Variants in APP observed in about 807,000 individuals in gnomAD.
APP encodes amyloid beta precursor protein, also known as amyloid-beta precursor protein.
Under a neutral mutation model 101.4 loss-of-function variants are expected in APP, and 31 were observed. That is an observed-to-expected ratio of 0.31 (90% CI 0.23 to 0.41). The LOEUF (loss-of-function observed/expected upper bound fraction) is 0.41, where lower values mean the gene tolerates loss of function less well. APP is among the 10% of genes least tolerant of loss of function. APP has a pLI of 1.00. For missense variants in APP, 839 were observed against 1,003.7 expected (o/e 0.84, Z 2.22); for synonymous variants, 366 against 364.4 (o/e 1.00, Z -0.05).
intron 3 of APP, among the ~76,000 whole-genome samples, chr21:26,075,916 G>A (rs972077525): frequency 1.3e-5 from 2 of 151,802 alleles, no homozygotes; most frequent in Admixed American, 6.6e-5. Flanking sequence ...TTTTTGAGAC[G>A]GAGTTTCGCT....
At chr21:26,123,326 T>C (rs1177816746) in intron 1 of APP, among the ~76,000 whole-genome samples, 1 of 152,222 alleles carries the variant, frequency 6.6e-6, no homozygotes, top group Non-Finnish European at 1.5e-5. Flanking sequence ...ATAATAGAAA[T>C]TCAGTGAGAA....
At position 26,011,367 on chromosome 21, in the gene APP, C is replaced by A. The variant is rs550018900; in HGVS notation, c.865+10473G>T. Among the ~76,000 whole-genome samples the A allele has an allele frequency of 8.5e-5, 13 of 152,204 alleles. No homozygotes were observed. In the East Asian group the frequency reaches 1.4e-3, roughly 16 times the overall value. On this transcript the variant is annotated intron_variant, in intron 6 of 17. Coordinates refer to ENST00000346798, the MANE Select transcript of APP (RefSeq NM_000484.4). ...CTGGGGTTACAAGTGTGAGCCACCA[C>A]GCCTGGGCTTCTGTTCACATATCTA...
intron 11 of APP, among the ~76,000 whole-genome samples, chr21:25,967,908 C>A (rs2041856365): frequency 6.6e-6 from 1 of 152,150 alleles, no homozygotes; most frequent in Non-Finnish European, 1.5e-5. Flanking sequence ...AAGTTAACCT[C>A]CTGTGCTGCA....
At chr21:26,055,830 G>A (rs1045676232) in intron 3 of APP, among the ~76,000 whole-genome samples, 20 of 152,070 alleles carry the variant, frequency 1.3e-4, no homozygotes, top group Admixed American at 8.5e-4. Context: ...TTCGTGAGAA[G>A]AGCCAGAGCA....
At chr21:25,985,019 T>G (rs1314813622) in intron 8 of APP, among the ~76,000 whole-genome samples, 1 of 152,122 alleles carries the variant, frequency 6.6e-6, no homozygotes, top group Non-Finnish European at 1.5e-5. Flanking sequence ...CACTGTCTAC[T>G]GTATAAAGGA....
At chr21:25,892,517 G>A (rs1271374446) in intron 16 of APP, among the ~76,000 whole-genome samples, 1 of 143,468 alleles carries the variant, frequency 7.0e-6, no homozygotes, top group African/African-American at 2.4e-5. Flanking sequence ...CTTTAGCAGT[G>A]TAATGCTTTT....
intron 2 of APP, among the ~76,000 whole-genome samples, chr21:26,109,126 A>G (rs2062252590): frequency 6.6e-6 from 1 of 152,192 alleles, no homozygotes; most frequent in Admixed American, 6.5e-5. Context: ...GAGGAAGGTG[A>G]CAGCAAAGGG....
chr21:25,969,970 G>A (rs571910649), intron 11 of APP, among the ~76,000 whole-genome samples: 929 of 76,074 alleles, frequency 0.012, 4 homozygotes, highest in Admixed American at 0.016. Flanking sequence ...GGGAGGGAGG[G>A]AAGGAAGGAA....
At chr21:25,966,741 T>C (rs1467243211) in intron 11 of APP, among the ~76,000 whole-genome samples, 1 of 152,206 alleles carries the variant, frequency 6.6e-6, no homozygotes, top group African/African-American at 2.4e-5. Context: ...GAAGGGCAAT[T>C]AGCGGTATCA....
chr21:25,935,765 G>A lies in APP; in HGVS notation c.1687+18825C>T, dbSNP rs113190308. Among the ~76,000 whole-genome samples, 700 of 150,954 alleles carry A rather than the reference G, an allele frequency of 4.6e-3. 8 individuals carry two copies. Among genetic ancestry groups the A allele is most frequent in the African/African-American group, 0.016 (651 of 41,028 alleles). ...TGAGGCAGGAGAATCATTTGAAACCGGGAGGCGGAGGCTGTAGTGAGCCGA... is the reference window on the plus strand; with the variant it reads ...TGAGGCAGGAGAATCATTTGAAACCAGGAGGCGGAGGCTGTAGTGAGCCGA... On this transcript the variant is annotated intron_variant, in intron 13 of 17. Transcript: ENST00000346798.
intron 17 of APP, among the ~76,000 whole-genome samples, chr21:25,890,433 T>C (rs1011662674): frequency 6.6e-6 from 1 of 152,222 alleles, no homozygotes; most frequent in Admixed American, 6.5e-5. Flanking sequence ...ACACCTGGAC[T>C]TTTCTCTGAT....
At chr21:25,945,269 ATCATT>A (rs1237239171) in intron 13 of APP, among the ~76,000 whole-genome samples, 1 of 152,038 alleles carries the variant, frequency 6.6e-6, no homozygotes, top group Non-Finnish European at 1.5e-5. Context: ...TCAAGGTGGA[ATCATT>A]TCGAGGCAAA....
intron 6 of APP, among the ~76,000 whole-genome samples, chr21:26,010,123 G>A (rs1435292752): frequency 6.6e-6 from 1 of 150,690 alleles, no homozygotes; most frequent in African/African-American, 2.4e-5. Context: ...TTCCAGCTGG[G>A]AACAGCAGTG....
At chr21:25,905,323 C>T (rs1441612770) in intron 14 of APP, among the ~76,000 whole-genome samples, 1 of 152,164 alleles carries the variant, frequency 6.6e-6, no homozygotes, top group East Asian at 1.9e-4. Context: ...TAAAAGCCCT[C>T]ACCAGGATAC....
chr21:26,127,559 C>T (rs1022941327), intron 1 of APP, among the ~76,000 whole-genome samples: 1 of 152,194 alleles, frequency 6.6e-6, no homozygotes, highest in African/African-American at 2.4e-5. Flanking sequence ...CTGTCTATAT[C>T]TCTAGAGACC....
intron 1 of APP, among the ~76,000 whole-genome samples, chr21:26,159,381 A>G (rs1308813723): frequency 1.3e-5 from 2 of 152,208 alleles, no homozygotes; most frequent in Admixed American, 6.5e-5. Flanking sequence ...ACCAGGCCAT[A>G]AATTAGTAAT....
intron 5 of APP, among the ~76,000 whole-genome samples, chr21:26,042,398 T>C (rs545368979): frequency 3.3e-5 from 5 of 152,330 alleles, no homozygotes; most frequent in African/African-American, 1.2e-4. Context: ...ATTTATTACA[T>C]GATTGAATGA....
chr21:25,971,331 C>T (rs1046503924), intron 11 of APP, among the ~76,000 whole-genome samples: 4 of 152,242 alleles, frequency 2.6e-5, no homozygotes, highest in African/African-American at 9.6e-5. Flanking sequence ...CAGGCGTGAG[C>T]CACCACACCT....
At chr21:26,134,204 CTGCA>C (rs1292652514) in intron 1 of APP, among the ~76,000 whole-genome samples, 1 of 152,186 alleles carries the variant, frequency 6.6e-6, no homozygotes, top group Admixed American at 6.5e-5. Flanking sequence ...ACAAGGAATA[CTGCA>C]TGCCAATAAT....
Sources: gnomAD v4.1 joint callset for allele counts (sites outside exome capture counted in the v4.1 genomes callset) on GRCh38, gnomAD v4.1.1 for gene constraint, MANE v1.5 for transcripts, NCBI Gene and HGNC (gene_info 2026-07-23, HGNC 2026-07-21) for gene names.